Variants in TEX15 observed in about 807,000 individuals in gnomAD.
TEX15 encodes testis expressed 15, meiosis and synapsis associated, also known as testis-expressed protein 15.
Under a neutral mutation model 237.3 loss-of-function variants are expected in TEX15, and 171 were observed. That is an observed-to-expected ratio of 0.72 (90% confidence interval 0.64 to 0.82). TEX15 has a LOEUF of 0.82. TEX15 is among the 40% of genes least tolerant of loss of function. TEX15 has a pLI of 0.00. For missense variants in TEX15, 3,750 were observed against 3,646.5 expected (o/e 1.03, Z -0.73); for synonymous variants, 1,338 against 1,269.8 (o/e 1.05, Z -1.14).
intron 1 of TEX15, among the ~76,000 whole-genome samples, chr8:30,912,353 C>G (rs1809244876): frequency 6.6e-6 from 1 of 152,148 alleles, no homozygotes; most frequent in Non-Finnish European, 1.5e-5. Flanking sequence ...CTCCCCGCCC[C>G]CGCGGATATC....
chr8:30,846,866 TGATACGAGACTTCA>T lies in TEX15; in HGVS notation c.3287_3300del (p.Leu1096GlnfsTer9). The T allele has an allele frequency of 6.2e-7, 1 of 1,613,906 alleles. No homozygotes were observed. Among genetic ancestry groups the T allele is most frequent in the Non-Finnish European group, 8.5e-7 (1 of 1,179,822 alleles). On this transcript the variant is annotated frameshift_variant, in exon 8 of 11. Coordinates refer to ENST00000643185, the MANE Select transcript of TEX15 (RefSeq NM_001350162.2). LOFTEE classifies it high-confidence loss of function. The stretch of plus-strand genomic sequence containing the variant: ...TCAAGTGCTAACAGACCTTCCCAAC[TGATACGAGACTTCA>T]GAGCCTTATATGAGGTCACAAATTC...
chr8:30,846,808 G>A lies in TEX15; in HGVS notation c.3359C>T (p.Thr1120Ile). Reference protein sequence around the residue: ...NGEMEVLESTTGRENSDQHYS... With the variant: ...NGEMEVLESTIGRENSDQHYS... The stretch of plus-strand genomic sequence containing the variant: ...ATGCTGATCACTATTCTCCCTTCCT[G>A]TGGTGCTTTCCAAAACTTCCATCTC... Residue 1120 changes from threonine to isoleucine, a missense_variant, in exon 8 of 11, where the codon ACA becomes ATA. Thr to Ile is a moderately conservative substitution (Grantham distance 89). Transcript: ENST00000643185. 6.2e-7 allele frequency: 1 copy of A among 1,613,818 alleles called. No homozygotes were observed. The highest frequency in any genetic ancestry group is 8.5e-7 in the Non-Finnish European group (1 of 1,179,796).
intron 1 of TEX15, among the ~76,000 whole-genome samples, chr8:30,900,018 A>G (rs1172328200): frequency 6.6e-6 from 1 of 152,168 alleles, no homozygotes; most frequent in Non-Finnish European, 1.5e-5. Flanking sequence ...ATTTAGCAAA[A>G]TTTGAGATTT....
At chr8:30,888,325 AAACT>A (rs1357792099) in intron 2 of TEX15, among the ~76,000 whole-genome samples, 6 of 152,340 alleles carry the variant, frequency 3.9e-5, no homozygotes, top group South Asian at 2.1e-4. Flanking sequence ...AAAAAGTTGT[AAACT>A]AACTATTGCT....
At chr8:30,887,082 G>A (rs904437733) in intron 3 of TEX15, 85 bp downstream of exon 3, 25 of 1,245,060 alleles carry the variant, frequency 2.0e-5, no homozygotes, top group Non-Finnish European at 2.3e-5. Context: ...TTTATATAGA[G>A]TCAAAATAAA....
chr8:30,847,552 G>A lies in TEX15; in HGVS notation c.2615C>T (p.Ala872Val), dbSNP rs755584587. The change falls in exon 8 of 11, where the codon GCT becomes GTT. Residue 872 changes from alanine (A) to valine (V), a missense_variant. Transcript: ENST00000643185. Reference sequence around the variant, plus strand: ...CTCTATGTTGTTTTCTACACATGAAGCACTATTCTCTTTAGCCTCATTTTG... The same window carrying A: ...CTCTATGTTGTTTTCTACACATGAAACACTATTCTCTTTAGCCTCATTTTG... ...ENQNEAKENS[A>V]SCVENNIENI... 6 of 1,612,924 alleles carry A rather than the reference G, an allele frequency of 3.7e-6. No homozygotes were observed. The highest frequency in any genetic ancestry group is 1.3e-5 in the African/African-American group (1 of 74,982).
At chr8:30,851,991 A>G (rs1807798061) in intron 7 of TEX15, among the ~76,000 whole-genome samples, 1 of 152,122 alleles carries the variant, frequency 6.6e-6, no homozygotes, top group African/African-American at 2.4e-5. Flanking sequence ...ACTTTTACAA[A>G]TGTGTGACAA....
chr8:30,864,238 T>C (rs1396514491), intron 5 of TEX15, among the ~76,000 whole-genome samples: 2 of 149,090 alleles, frequency 1.3e-5, no homozygotes, highest in Non-Finnish European at 3.0e-5. Context: ...ATCTTAAAGA[T>C]TGGAAAACGA....
chr8:30,880,590 T>C (rs1808498604), intron 3 of TEX15, among the ~76,000 whole-genome samples: 1 of 152,134 alleles, frequency 6.6e-6, no homozygotes, highest in South Asian at 2.1e-4. Context: ...AAACATATTT[T>C]CTCTTCCTTA....
In TEX15 at chr8:30,848,446, T is replaced by G. The variant is rs761001870; in HGVS notation, c.1721A>C (p.Lys574Thr). ...CTGAAAAATGTGACTACTGTACTCT[T>G]TTGTATAAGCATTACCGGACTCCTG... ...AQQESGNAYT[K>T]EYSSHIFQDS... The change falls in exon 8 of 11, where the codon AAA becomes ACA. Residue 574 changes from lysine (K) to threonine (T), a missense_variant. Coordinates refer to ENST00000643185, the MANE Select transcript of TEX15 (RefSeq NM_001350162.2). The G allele has an allele frequency of 6.2e-7, 1 of 1,614,040 alleles. No individual in the cohort carries two copies. The highest frequency in any genetic ancestry group is 1.1e-5 in the South Asian group (1 of 91,084).
chr8:30,858,578 G>T, intron 7 of TEX15, 90 bp downstream of exon 7: 3 of 1,164,732 alleles, frequency 2.6e-6, no homozygotes, highest in Non-Finnish European at 3.5e-6. Context: ...GATTACAGGT[G>T]TGAACCATTG....
At chr8:30,911,395 G>C (rs1174699224) in intron 1 of TEX15, among the ~76,000 whole-genome samples, 1 of 152,058 alleles carries the variant, frequency 6.6e-6, no homozygotes, top group South Asian at 2.1e-4. Flanking sequence ...CATGCGATCC[G>C]CCCGCCTTGG....
Position 30,848,408 on chromosome 8 carries a change from A to T in TEX15, c.1759T>A (p.Ser587Thr). The change falls in exon 8 of 11, where the codon TCT becomes ACT. Residue 587 changes from serine (S) to threonine (T), a missense_variant. By Grantham distance (58) the Ser-to-Thr change is moderately conservative (BLOSUM62 1). Transcript: ENST00000643185. ...GTCTGATAAATTGTTTTTAAATCAG[A>T]AGACTGCGAGTCCTGAAAAATGTGA... ...SSHIFQDSQS[S>T]DLKTIYQTGC... 1.2e-6 allele frequency: 2 copies of T among 1,614,160 alleles called. No homozygotes were observed. Among genetic ancestry groups the T allele is most frequent in the Non-Finnish European group, 1.7e-6 (2 of 1,180,028 alleles).
Position 30,836,826 on chromosome 8 carries a change from G to A in TEX15, c.9458C>T (p.Pro3153Leu), listed in dbSNP as rs1438151660. The A allele has an allele frequency of 3.1e-6, 5 of 1,608,452 alleles. No individual in the cohort carries two copies. Among genetic ancestry groups the A allele is most frequent in the South Asian group, 2.2e-5 (2 of 89,974 alleles). Reference protein sequence around the residue: ...TYPYLPNRFVPPEVPWVYAPW... With the variant: ...TYPYLPNRFVLPEVPWVYAPW... Reference sequence around the variant, plus strand: ...ACCATAAACCCAAGGAACTTCTGGAGGCACAAATCGATTAGGAAGGTAAGG... The same window carrying A: ...ACCATAAACCCAAGGAACTTCTGGAAGCACAAATCGATTAGGAAGGTAAGG... Residue 3153 changes from proline (P) to leucine (L), a missense_variant, in exon 10 of 11, where the codon CCT (proline) becomes CTT (leucine). Coordinates refer to ENST00000643185, the MANE Select transcript of TEX15 (RefSeq NM_001350162.2).
At chr8:30,834,916 A>G (rs984412695) in intron 10 of TEX15, among the ~76,000 whole-genome samples, 1 of 152,198 alleles carries the variant, frequency 6.6e-6, no homozygotes, top group African/African-American at 2.4e-5. Context: ...CCTATGTCCT[A>G]CGGCCTCTCA....
At chr8:30,910,191 A>G (rs1809190020) in intron 1 of TEX15, among the ~76,000 whole-genome samples, 1 of 152,142 alleles carries the variant, frequency 6.6e-6, no homozygotes, top group Non-Finnish European at 1.5e-5. Flanking sequence ...AAAAAACTTT[A>G]AAGTGCTCAA....
intron 3 of TEX15, among the ~76,000 whole-genome samples, chr8:30,878,142 C>T (rs553371739): frequency 7.3e-6 from 1 of 137,512 alleles, no homozygotes; most frequent in African/African-American, 2.9e-5. Flanking sequence ...GAGATTCAAC[C>T]AAGTTGTTAT....
At chr8:30,881,734 G>A (rs1470144424) in intron 3 of TEX15, among the ~76,000 whole-genome samples, 3 of 150,388 alleles carry the variant, frequency 2.0e-5, no homozygotes, top group African/African-American at 7.4e-5. Context: ...CGATTCTCCT[G>A]TCTCAGCCTC....
chr8:30,898,314 C>T (rs574152180), intron 2 of TEX15, among the ~76,000 whole-genome samples: 5 of 152,122 alleles, frequency 3.3e-5, no homozygotes, highest in Non-Finnish European at 4.4e-5. Flanking sequence ...ACAGACCCCT[C>T]GTGAATGGGA....
Sources: gnomAD v4.1 joint callset for allele counts (sites outside exome capture counted in the v4.1 genomes callset) on GRCh38, gnomAD v4.1.1 for gene constraint, MANE v1.5 for transcripts, NCBI Gene and HGNC (gene_info 2026-07-23, HGNC 2026-07-21) for gene names.